The following ME3 variants were observed in gnomAD, a reference collection of about 807,000 sequenced individuals.
ME3 encodes the protein NADP-dependent malic enzyme, mitochondrial.
ME3 carries 48 observed loss-of-function variants against 68.9 expected under a neutral mutation model. The ratio of observed to expected loss-of-function variants is 0.70; its 90% CI spans 0.55 to 0.89. The LOEUF is 0.89. Ranked by LOEUF, ME3 falls within the 40% of genes least tolerant of loss-of-function variation. The probability of loss-of-function intolerance (pLI) is 0.00; values close to 1 mark genes in which losing one functional copy is unlikely to be tolerated. For missense variants in ME3, 675 were observed against 797.4 expected, an observed-to-expected ratio of 0.85 and a Z score of 1.85; for synonymous variants, 320 against 318.8, an observed-to-expected ratio of 1.00 and a Z score of -0.04.
intron 2 of ME3, among the ~76,000 whole-genome samples, chr11:86,589,339 G>T (rs1323513566): frequency 1.3e-5 from 2 of 152,058 alleles, no homozygotes; most frequent in Non-Finnish European, 2.9e-5. Flanking sequence ...ATAAATGGGG[G>T]TAGGGTTGGG....
At chr11:86,630,602 CA>C (rs1219949130) in intron 2 of ME3, among the ~76,000 whole-genome samples, 1 of 152,254 alleles carries the variant, frequency 6.6e-6, no homozygotes, top group Admixed American at 6.5e-5. Flanking sequence ...TTGCCTCAAA[CA>C]AGTCCAAATG....
rs184678502 is a variant in ME3, at chr11:86,603,948, G to A, written c.184-44125C>T. 1.0e-3 allele frequency among the ~76,000 whole-genome samples: 107 copies of A among 106,520 alleles called. 1 individual carries two copies. The highest frequency in any genetic ancestry group is 1.4e-3 in the Non-Finnish European group (75 of 55,080). The allele number at this position is 106,520 out of a possible 152,430, so 69.9% of individuals were successfully genotyped here. On this transcript the variant is annotated intron_variant, in intron 2 of 14. Coordinates refer to ENST00000543262, the Ensembl canonical transcript of ME3. ...AATCACACTCTGGGGACTGTTGTGGGGTGGGGGGAGGGGGGAGGGATAGCA... is the reference window on the plus strand; with the variant it reads ...AATCACACTCTGGGGACTGTTGTGGAGTGGGGGGAGGGGGGAGGGATAGCA...
At chr11:86,647,832 A>G (rs1341589564) in intron 2 of ME3, among the ~76,000 whole-genome samples, 3 of 152,200 alleles carry the variant, frequency 2.0e-5, no homozygotes, top group Non-Finnish European at 4.4e-5. Context: ...CCCACTGTCA[A>G]TATTAGACAG....
chr11:86,561,017 A>T (rs894417334), intron 2 of ME3, among the ~76,000 whole-genome samples: 1 of 151,914 alleles, frequency 6.6e-6, no homozygotes, highest in Non-Finnish European at 1.5e-5. Flanking sequence ...TTTTCATCAC[A>T]TCAGACCAGG....
At chr11:86,661,585 C>T (rs139909420) in intron 2 of ME3, among the ~76,000 whole-genome samples, 82 of 152,276 alleles carry the variant, frequency 5.4e-4, no homozygotes, top group African/African-American at 1.9e-3. Context: ...GAGACAATGC[C>T]ATTCTGTCTC....
At chr11:86,556,404 G>T (rs1956926463) in intron 4 of ME3, 149 bp downstream of exon 4, 9 of 989,110 alleles carry the variant, frequency 9.1e-6, no homozygotes, top group Middle Eastern at 6.6e-4. Context: ...ATTTTTCTGA[G>T]CAAGTGCTTG....
At chr11:86,543,796 C>A (rs1432953836) in intron 4 of ME3, among the ~76,000 whole-genome samples, 1 of 152,166 alleles carries the variant, frequency 6.6e-6, no homozygotes, top group Non-Finnish European at 1.5e-5. Flanking sequence ...AGCTCTGGAC[C>A]AAGTGGAGCT....
intron 11 of ME3, among the ~76,000 whole-genome samples, chr11:86,447,925 G>A (rs1369897964): frequency 6.6e-6 from 1 of 150,806 alleles, no homozygotes; most frequent in Non-Finnish European, 1.5e-5. Context: ...CTTACTCACT[G>A]CATTGTATAT....
intron 6 of ME3, 110 bp from the exon 7 acceptor site, chr11:86,487,550 G>T (rs541794085): frequency 1.3e-5 from 11 of 851,602 alleles, no homozygotes; most frequent in South Asian, 4.8e-5. Context: ...GGAGGAGAGG[G>T]GGGAGTAAGA....
intron 2 of ME3, among the ~76,000 whole-genome samples, chr11:86,584,818 A>G (rs1958638586): frequency 6.6e-6 from 1 of 152,220 alleles, no homozygotes; most frequent in Admixed American, 6.5e-5. Context: ...GTTTCTAATC[A>G]ATGGGTATAC....
intron 2 of ME3, among the ~76,000 whole-genome samples, chr11:86,667,095 A>G (rs529641672): frequency 6.6e-6 from 1 of 152,196 alleles, no homozygotes; most frequent in Non-Finnish European, 1.5e-5. Context: ...TTACTGCTCT[A>G]AATGTATCAA....
At position 86,570,224 on chromosome 11, in the gene ME3, T is replaced by C. The variant is rs184694196; in HGVS notation, c.184-10401A>G. Among the ~76,000 whole-genome samples, 123 of 152,344 alleles carry C rather than the reference T, an allele frequency of 8.1e-4. 1 individual carries two copies. Among genetic ancestry groups the C allele is most frequent in the African/African-American group, 2.9e-3 (119 of 41,582 alleles). ...CATGCTCTGAGCTGACTGCTTATGC[T>C]ATAACCGGCTTCCTCCATCAATCAA... On this transcript the variant is annotated intron_variant, in intron 2 of 14. Transcript: ENST00000543262.
At chr11:86,542,212 A>G (rs1424125373) in intron 4 of ME3, among the ~76,000 whole-genome samples, 2 of 152,210 alleles carry the variant, frequency 1.3e-5, no homozygotes, top group African/African-American at 4.8e-5. Flanking sequence ...GCAGCGCAAA[A>G]ATGCTGAAAA....
intron 7 of ME3, among the ~76,000 whole-genome samples, chr11:86,475,951 T>C (rs2138834167): frequency 6.7e-6 from 1 of 150,300 alleles, no homozygotes; most frequent in South Asian, 2.1e-4. Context: ...TGAGAGGGAC[T>C]CAGAATGTGA....
intron 8 of ME3, among the ~76,000 whole-genome samples, chr11:86,453,210 G>A (rs987563204): frequency 1.2e-4 from 18 of 152,252 alleles, no homozygotes; most frequent in Admixed American, 7.2e-4. Flanking sequence ...GTGTTGGCCA[G>A]GCTGGTCTCG....
chr11:86,643,849 A>T (rs1944826943), intron 2 of ME3, among the ~76,000 whole-genome samples: 1 of 152,068 alleles, frequency 6.6e-6, no homozygotes, highest in Admixed American at 6.6e-5. Flanking sequence ...TGGAAATGAG[A>T]CTTGCTGATG....
At chr11:86,552,496 G>T (rs1283335898) in intron 4 of ME3, among the ~76,000 whole-genome samples, 1 of 152,150 alleles carries the variant, frequency 6.6e-6, no homozygotes, top group African/African-American at 2.4e-5. Context: ...TGCCACCCTT[G>T]TTATCTCAGG....
rs768408763 is a variant in ME3 at position 86,545,952 on chromosome 11, G to A, written c.467+10601C>T. The stretch of plus-strand genomic sequence containing the variant: ...CAGTAACCAAAATAGCATGGTACTG[G>A]TACTAAAACAGACATATAGACCAAT... On this transcript the variant is annotated intron_variant, in intron 4 of 14. Transcript: ENST00000543262. Among the ~76,000 whole-genome samples, 16 of 152,270 alleles carry A rather than the reference G, an allele frequency of 1.1e-4. 2 individuals are homozygous for A. Among genetic ancestry groups the A allele is most frequent in the Admixed American group, 4.6e-4 (7 of 15,298 alleles).
chr11:86,531,971 T>C (rs1192271014), intron 4 of ME3, among the ~76,000 whole-genome samples: 1 of 124,500 alleles, frequency 8.0e-6, no homozygotes, highest in Admixed American at 8.6e-5. Context: ...AAACTTAAAG[T>C]ATAATTAAAA....
Sources: allele counts gnomAD v4.1 joint callset (sites outside exome capture counted in the v4.1 genomes callset), GRCh38; gene constraint gnomAD v4.1.1; transcripts MANE v1.5; gene names NCBI Gene and HGNC (gene_info 2026-07-23, HGNC 2026-07-21).